Variants in TMPRSS11F observed in about 807,000 individuals in gnomAD.
TMPRSS11F encodes transmembrane serine protease 11F.
Under a neutral mutation model 60.2 loss-of-function variants are expected in TMPRSS11F, and 47 were observed. The ratio of observed to expected loss-of-function variants is 0.78; its 90% CI spans 0.62 to 1.00. The LOEUF (loss-of-function observed/expected upper bound fraction) is 1.00. Ranked by LOEUF, TMPRSS11F falls within the 50% of genes least tolerant of loss-of-function variation. TMPRSS11F has a pLI of 0.00. For missense variants in TMPRSS11F, 519 were observed against 522.9 expected (o/e 0.99, Z 0.07); for synonymous variants, 166 against 167.3 (o/e 0.99, Z 0.06).
intron 1 of TMPRSS11F, among the ~76,000 whole-genome samples, chr4:68,120,545 C>T (rs1353244931): frequency 6.6e-6 from 1 of 151,472 alleles, no homozygotes; most frequent in Non-Finnish European, 1.5e-5. Flanking sequence ...CCCGCCACTA[C>T]GCCCGGCTAA....
In TMPRSS11F at chr4:68,053,776, G is replaced by T; in HGVS notation, c.*133C>A. On this transcript the variant is annotated 3_prime_UTR_variant, in exon 10 of 10. Transcript: ENST00000356291. ...ATGTAAAGGCCACCTCAGGATATTA[G>T]ATTTGTCTGGGTCTGAAGGGCTTCT... The T allele has an allele frequency of 3.5e-6, 3 of 853,460 alleles. No individual in the cohort carries two copies. The highest frequency in any genetic ancestry group is 5.3e-6 in the Non-Finnish European group (3 of 564,540). 52.9% of individuals were successfully genotyped at this position (853,460 alleles called of 1,614,324 possible). A position where few individuals can be genotyped will look rare whatever the true frequency, so the allele number is the denominator to read the frequency against.
At chr4:68,085,552 G>A (rs1037577174) in intron 3 of TMPRSS11F, among the ~76,000 whole-genome samples, 5 of 152,110 alleles carry the variant, frequency 3.3e-5, no homozygotes, top group Admixed American at 6.5e-5. Context: ...TAACATGACA[G>A]GAACAAAATA....
intron 3 of TMPRSS11F, among the ~76,000 whole-genome samples, chr4:68,083,804 T>C (rs1723753086): frequency 6.6e-6 from 1 of 152,136 alleles, no homozygotes; most frequent in Non-Finnish European, 1.5e-5. Context: ...ACAATCACCC[T>C]ACCTCCCCAG....
rs893363850 is a variant in TMPRSS11F, at chr4:68,112,548, A to C, written c.12-13510T>G. ...TAATTTGATTGAGCCCAGGAGTTACAGTACAGCCTATGTAGTGAGACTCCT... is the reference window on the plus strand; with the variant it reads ...TAATTTGATTGAGCCCAGGAGTTACCGTACAGCCTATGTAGTGAGACTCCT... On this transcript the variant is annotated intron_variant, in intron 1 of 9. Transcript: ENST00000356291. 1.2e-4 allele frequency among the ~76,000 whole-genome samples: 18 copies of C among 152,324 alleles called. 1 individual carries two copies. In the South Asian group the frequency reaches 2.5e-3, roughly 21 times the overall value.
intron 1 of TMPRSS11F, among the ~76,000 whole-genome samples, chr4:68,105,041 C>T: frequency 7.8e-6 from 1 of 127,890 alleles, no homozygotes; most frequent in African/African-American, 3.0e-5. Flanking sequence ...AGAAATCATT[C>T]CCTCTAGGTT....
intron 1 of TMPRSS11F, among the ~76,000 whole-genome samples, chr4:68,129,200 A>C (rs1724770635): frequency 6.6e-6 from 1 of 152,066 alleles, no homozygotes; most frequent in Admixed American, 6.6e-5. Context: ...ATATAATACA[A>C]ATTTATTTAC....
At chr4:68,062,273 T>A (rs1261158244) in intron 8 of TMPRSS11F, 2 of 424,750 alleles carry the variant, frequency 4.7e-6, no homozygotes, top group Non-Finnish European at 9.1e-6. Flanking sequence ...TAACTTCAAA[T>A]CAAAAACATC....
chr4:68,118,406 A>G (rs1185569556), intron 1 of TMPRSS11F, among the ~76,000 whole-genome samples: 1 of 152,202 alleles, frequency 6.6e-6, no homozygotes, highest in African/African-American at 2.4e-5. Context: ...TAGTTCAAAC[A>G]AGGACTTTTG....
chr4:68,069,645 T>A lies in TMPRSS11F; in HGVS notation c.553+324A>T, dbSNP rs112345472. ...AATTAAAAAAAAATTAAAGCCTAAA[T>A]GTTACCAGTTTAAAACACTCTCTTG... On this transcript the variant is annotated intron_variant, in intron 6 of 9. Coordinates refer to ENST00000356291, the MANE Select transcript of TMPRSS11F (RefSeq NM_207407.2). Among the ~76,000 whole-genome samples the A allele has an allele frequency of 5.1e-3, 774 of 152,136 alleles. 9 individuals are homozygous for A. Among genetic ancestry groups the A allele is most frequent in the African/African-American group, 0.018 (752 of 41,534 alleles).
intron 3 of TMPRSS11F, among the ~76,000 whole-genome samples, chr4:68,081,143 G>T (rs1307149961): frequency 2.0e-5 from 3 of 152,120 alleles, no homozygotes; most frequent in Non-Finnish European, 4.4e-5. Flanking sequence ...CAGTAAAGAT[G>T]GTTTCAGTGA....
intron 6 of TMPRSS11F, among the ~76,000 whole-genome samples, chr4:68,069,577 C>G (rs1461219182): frequency 7.3e-5 from 11 of 151,542 alleles, no homozygotes; most frequent in Admixed American, 7.2e-4. Context: ...GCAGGAAGAG[C>G]AAGAGAATGT....
chr4:68,120,417 C>G (rs1312241046), intron 1 of TMPRSS11F, among the ~76,000 whole-genome samples: 1 of 141,764 alleles, frequency 7.1e-6, no homozygotes, highest in Non-Finnish European at 1.5e-5. Flanking sequence ...GAGACGGAGT[C>G]TCGCTCTGTC....
In TMPRSS11F at chr4:68,053,762, A is replaced by T; in HGVS notation, c.*147T>A. 1.4e-6 allele frequency: 1 copy of T among 699,432 alleles called. No individual in the cohort carries two copies. 43.3% of individuals were successfully genotyped at this position (699,432 alleles called of 1,614,324 possible). ...GTTTGGTCCTACGTATGTAAAGGCCACCTCAGGATATTAGATTTGTCTGGG... is the reference window on the plus strand; with the variant it reads ...GTTTGGTCCTACGTATGTAAAGGCCTCCTCAGGATATTAGATTTGTCTGGG... On this transcript the variant is annotated 3_prime_UTR_variant, in exon 10 of 10. Coordinates refer to ENST00000356291, the MANE Select transcript of TMPRSS11F (RefSeq NM_207407.2).
At chr4:68,059,302 T>A (rs765747945) in intron 9 of TMPRSS11F, 24 bp downstream of exon 9, 4 of 1,610,116 alleles carry the variant, frequency 2.5e-6, no homozygotes, top group Non-Finnish European at 3.4e-6. Context: ...CCTCATAAAC[T>A]TTTGGCCTTG....
chr4:68,090,214 A>C (rs1723895662), intron 3 of TMPRSS11F, among the ~76,000 whole-genome samples: 1 of 152,086 alleles, frequency 6.6e-6, no homozygotes, highest in Admixed American at 6.6e-5. Context: ...TATGTTAAAA[A>C]AGAATAAAGA....
At chr4:68,069,530 C>T (rs1723406121) in intron 6 of TMPRSS11F, among the ~76,000 whole-genome samples, 1 of 151,902 alleles carries the variant, frequency 6.6e-6, no homozygotes, top group Non-Finnish European at 1.5e-5. Flanking sequence ...CACAATAGAC[C>T]TTAACTATGT....
At chr4:68,110,727 TTGCTATTATTAAAA>T (rs1319542283) in intron 1 of TMPRSS11F, among the ~76,000 whole-genome samples, 1 of 152,184 alleles carries the variant, frequency 6.6e-6, no homozygotes, top group African/African-American at 2.4e-5. Context: ...ATAAACATTA[TTGCTATTATTAAAA>T]TGCTATCTGC....
chr4:68,092,671 C>A (rs563285238), intron 2 of TMPRSS11F, among the ~76,000 whole-genome samples: 1 of 152,116 alleles, frequency 6.6e-6, no homozygotes, highest in African/African-American at 2.4e-5. Flanking sequence ...TGAATTCAAG[C>A]TATTTCTCAA....
chr4:68,110,005 C>T lies in TMPRSS11F; in HGVS notation c.12-10967G>A, dbSNP rs1176645998. On this transcript the variant is annotated intron_variant, in intron 1 of 9. Transcript: ENST00000356291. ...TTTATGTGCTAATCAAGTATTCTCA[C>T]AGCAGTAGCCTTGGGGGGAAATTCT... Among the ~76,000 whole-genome samples the T allele has an allele frequency of 2.0e-5, 3 of 152,214 alleles. No individual in the cohort carries two copies. In the East Asian group the frequency reaches 5.8e-4, roughly 29 times the overall value.
Sources: gnomAD v4.1 joint callset for allele counts (sites outside exome capture counted in the v4.1 genomes callset) on GRCh38, gnomAD v4.1.1 for gene constraint, MANE v1.5 for transcripts, NCBI Gene and HGNC (gene_info 2026-07-23, HGNC 2026-07-21) for gene names.